AUTS2: variants seen among roughly 807,000 people sequenced by gnomAD.
AUTS2 encodes autism susceptibility gene 2 protein.
AUTS2 carries 17 observed loss-of-function variants against 112.4 expected under a neutral mutation model. The observed-to-expected ratio is 0.15, with a 90% CI of 0.10 to 0.23. The LOEUF (loss-of-function observed/expected upper bound fraction) is 0.23, where lower values mean the gene tolerates loss of function less well. Among genes scored for constraint, AUTS2 ranks in the 10% least tolerant of loss-of-function variants. The pLI is 1.00. For synonymous variants in AUTS2, 751 were observed against 702.7 expected, an observed-to-expected ratio of 1.07 and a Z score of -1.09; for missense variants, 1,510 against 1,701.6, an observed-to-expected ratio of 0.89 and a Z score of 1.98.
At position 69,768,732 on chromosome 7, in the gene AUTS2, GA is replaced by G. The variant is rs1186353847; in HGVS notation, c.310-130553del. 2.6e-5 allele frequency among the ~76,000 whole-genome samples: 4 copies of G among 152,294 alleles called. No homozygotes were observed. The East Asian group carries it at 7.7e-4, about 29-fold the overall frequency. ...AGGGTTCAAAAGACCTAGTTGTCTT[GA>G]TTAGAGAGGAGGGGAGCTGAGGGAA... On this transcript the variant is annotated intron_variant, in intron 1 of 18. Coordinates refer to ENST00000342771, the MANE Select transcript of AUTS2 (RefSeq NM_015570.4).
At chr7:69,921,404 C>T (rs925780500) in intron 2 of AUTS2, among the ~76,000 whole-genome samples, 7 of 142,306 alleles carry the variant, frequency 4.9e-5, no homozygotes, top group South Asian at 2.3e-4. Flanking sequence ...AAAAACATCA[C>T]GGTGGGAAAT....
intron 5 of AUTS2, among the ~76,000 whole-genome samples, chr7:70,540,649 C>T (rs1800518061): frequency 6.6e-6 from 1 of 152,142 alleles, no homozygotes; most frequent in Non-Finnish European, 1.5e-5. Context: ...TTGGGAGGTG[C>T]TCACATCCTC....
At chr7:70,362,729 A>G (rs1170898523) in intron 4 of AUTS2, among the ~76,000 whole-genome samples, 1 of 152,080 alleles carries the variant, frequency 6.6e-6, no homozygotes, top group Non-Finnish European at 1.5e-5. Context: ...GAAGAGAAAT[A>G]TCAACATTGT....
chr7:70,591,575 T>C lies in AUTS2; in HGVS notation c.691-106994T>C, dbSNP rs543861313. Reference sequence around the variant, plus strand: ...ATCACGCCTGACTAACTTTATATATTTTTAGTAGAGACAGGGTTTCACCAT... The same window carrying C: ...ATCACGCCTGACTAACTTTATATATCTTTAGTAGAGACAGGGTTTCACCAT... On this transcript the variant is annotated intron_variant, in intron 5 of 18. Coordinates refer to ENST00000342771, the MANE Select transcript of AUTS2 (RefSeq NM_015570.4). Among the ~76,000 whole-genome samples the C allele has an allele frequency of 3.9e-3, 589 of 152,198 alleles. 6 individuals are homozygous for C. The highest frequency in any genetic ancestry group is 0.014 in the African/African-American group (568 of 41,522).
intron 2 of AUTS2, among the ~76,000 whole-genome samples, chr7:69,924,389 T>C (rs1397311239): frequency 6.6e-6 from 1 of 152,132 alleles, no homozygotes; most frequent in African/African-American, 2.4e-5. Flanking sequence ...AATTGGTCTG[T>C]AGTTTTCTTT....
At chr7:70,376,534 G>C (rs1040929850) in intron 4 of AUTS2, among the ~76,000 whole-genome samples, 1 of 151,846 alleles carries the variant, frequency 6.6e-6, no homozygotes, top group Non-Finnish European at 1.5e-5. Context: ...ATGAGTATCA[G>C]TTAGGTCAGC....
intron 5 of AUTS2, among the ~76,000 whole-genome samples, chr7:70,610,176 T>G (rs2129533218): frequency 6.6e-6 from 1 of 152,202 alleles, no homozygotes; most frequent in Non-Finnish European, 1.5e-5. Flanking sequence ...TTTTTGTATT[T>G]TAAGTAGAGA....
chr7:70,036,435 C>T (rs1365178772), intron 2 of AUTS2, among the ~76,000 whole-genome samples: 1 of 152,174 alleles, frequency 6.6e-6, no homozygotes, highest in African/African-American at 2.4e-5. Flanking sequence ...TGTATTACAC[C>T]TAAAGTGAAT....
rs375281041 is a variant in AUTS2, at chr7:70,687,015, A to G, written c.691-11554A>G. Among the ~76,000 whole-genome samples, 10 of 152,186 alleles carry G rather than the reference A, an allele frequency of 6.6e-5. 1 individual carries two copies. The highest frequency in any genetic ancestry group is 2.4e-4 in the African/African-American group (10 of 41,506). ...ATCCGTCCTTTCAGCTCATGCAGAC[A>G]TTTTGTATACATTTTCATTTTAATT... On this transcript the variant is annotated intron_variant, in intron 5 of 18. Transcript: ENST00000342771.
At chr7:70,223,448 T>G (rs989864388) in intron 4 of AUTS2, among the ~76,000 whole-genome samples, 58 of 152,364 alleles carry the variant, frequency 3.8e-4, no homozygotes, top group African/African-American at 1.4e-3. Flanking sequence ...GGTAAGGTTA[T>G]AGTGCAACAA....
chr7:70,356,141 C>T (rs1791998412), intron 4 of AUTS2, among the ~76,000 whole-genome samples: 1 of 152,164 alleles, frequency 6.6e-6, no homozygotes, highest in African/African-American at 2.4e-5. Flanking sequence ...AATTTTGGCT[C>T]CTCTGGGACC....
intron 1 of AUTS2, among the ~76,000 whole-genome samples, chr7:69,838,038 T>TAGCTGGTCTACTACA (rs1554386054): frequency 6.6e-6 from 1 of 152,196 alleles, no homozygotes; most frequent in Non-Finnish European, 1.5e-5. Context: ...GATGGGATTG[T>TAGCTGGTCTACTACA]AGCTGGTCTA....
chr7:70,491,589 T>TA lies in AUTS2; in HGVS notation c.690+55808_690+55809insA, dbSNP rs1461767874. Among the ~76,000 whole-genome samples the TA allele has an allele frequency of 4.1e-3, 566 of 138,802 alleles. 8 individuals are homozygous for TA. Among genetic ancestry groups the TA allele is most frequent in the African/African-American group, 0.015 (544 of 37,070 alleles). The allele number at this position is 138,802 out of a possible 152,430, so 91.1% of individuals were successfully genotyped here. The stretch of plus-strand genomic sequence containing the variant: ...TATGTGTATATATAATGTATATATA[T>TA]TGTGTGTGTGTGTGTGTGTGTGTGT... On this transcript the variant is annotated intron_variant, in intron 5 of 18. Transcript: ENST00000342771.
chr7:70,619,567 A>G (rs2129536491), intron 5 of AUTS2, among the ~76,000 whole-genome samples: 1 of 151,658 alleles, frequency 6.6e-6, no homozygotes, highest in East Asian at 1.9e-4. Flanking sequence ...AAGGTATTAA[A>G]AAAAAAAAAC....
At chr7:70,404,417 T>C (rs914086120) in intron 4 of AUTS2, among the ~76,000 whole-genome samples, 2 of 152,334 alleles carry the variant, frequency 1.3e-5, no homozygotes, top group African/African-American at 4.8e-5. Flanking sequence ...TATTCAGTTG[T>C]ATTCTCTTTG....
At chr7:70,140,437 C>G (rs1350266093) in intron 4 of AUTS2, among the ~76,000 whole-genome samples, 1 of 152,100 alleles carries the variant, frequency 6.6e-6, no homozygotes, top group African/African-American at 2.4e-5. Context: ...TCCAGAGAAC[C>G]TATCACTATT....
chr7:70,342,847 A>G (rs1791330574), intron 4 of AUTS2, among the ~76,000 whole-genome samples: 1 of 152,172 alleles, frequency 6.6e-6, no homozygotes, highest in South Asian at 2.1e-4. Context: ...AGTTTGACAC[A>G]AGGCATTCCC....
At chr7:69,969,560 T>A (rs745911003) in intron 2 of AUTS2, among the ~76,000 whole-genome samples, 20 of 152,208 alleles carry the variant, frequency 1.3e-4, no homozygotes, top group Non-Finnish European at 2.4e-4. Context: ...AAATTTTCAT[T>A]GGAGATTTTT....
intron 4 of AUTS2, among the ~76,000 whole-genome samples, chr7:70,379,319 G>T (rs186613620): frequency 3.3e-5 from 5 of 152,128 alleles, no homozygotes; most frequent in Admixed American, 3.3e-4. Flanking sequence ...TGGCCAACAT[G>T]GTGAAACCCC....
Sources: gnomAD v4.1 joint callset for allele counts (sites outside exome capture counted in the v4.1 genomes callset) on GRCh38, gnomAD v4.1.1 for gene constraint, MANE v1.5 for transcripts, NCBI Gene and HGNC (gene_info 2026-07-23, HGNC 2026-07-21) for gene names.